PTCH1: variants seen among roughly 807,000 people sequenced by gnomAD.
The protein encoded by PTCH1 is patched 1.
In PTCH1, 14 loss-of-function variants were observed where a neutral mutation model predicts 144.6. That is an observed-to-expected ratio of 0.10 (90% CI 0.06 to 0.15). PTCH1 has a LOEUF of 0.15. Ranked by LOEUF, PTCH1 falls within the 10% of genes least tolerant of loss-of-function variation. The probability of loss-of-function intolerance (pLI) is 1.00; values close to 1 mark genes in which losing one functional copy is unlikely to be tolerated. For missense variants in PTCH1, 1,623 were observed against 1,948.3 expected (o/e 0.83, Z 3.14); for synonymous variants, 833 against 793.6 (o/e 1.05, Z -0.83).
intron 6 of PTCH1, 81 bp from the exon 7 acceptor site, chr9:95,480,171 C>T (rs1218354235): frequency 1.3e-6 from 2 of 1,597,854 alleles, no homozygotes. Flanking sequence ...GCATTAAGGG[C>T]TTGTGTGTTT....
At chr9:95,469,244 C>G in intron 13 of PTCH1, 91 bp from the exon 14 acceptor site, 1 of 1,508,440 alleles carries the variant, frequency 6.6e-7, no homozygotes, top group South Asian at 1.1e-5. Context: ...CGGAGAATAC[C>G]CATTTTACAC....
chr9:95,516,438 C>A, intron 1 of PTCH1: 1 of 1,390,090 alleles, frequency 7.2e-7, no homozygotes. Flanking sequence ...GGCGAGGTGG[C>A]GTCGGCGGCC....
Position 95,504,037 on chromosome 9 carries a change from A to C in PTCH1, c.394+2370T>G, listed in dbSNP as rs1465809064. Among the ~76,000 whole-genome samples the C allele has an allele frequency of 1.6e-4, 8 of 51,250 alleles. 2 individuals carry two copies. Among genetic ancestry groups the C allele is most frequent in the African/African-American group, 1.2e-3 (7 of 5,974 alleles). The allele number at this position is 51,250 out of a possible 152,430, so 33.6% of individuals were successfully genotyped here. On this transcript the variant is annotated intron_variant, in intron 2 of 23. Transcript: ENST00000331920. ...GACTCCGTCTCAAAAAAAAAAAAAA[A>C]AAAAAAAAAAAAAAAAAAAAAAAAA...
chr9:95,460,460 G>A (rs762248272), intron 16 of PTCH1, among the ~76,000 whole-genome samples: 2 of 152,146 alleles, frequency 1.3e-5, no homozygotes, highest in Non-Finnish European at 2.9e-5. Context: ...CTCAGTATGT[G>A]TTTGTACGTT....
intron 15 of PTCH1, among the ~76,000 whole-genome samples, chr9:95,465,373 G>T (rs1229910332): frequency 1.3e-5 from 2 of 152,162 alleles, no homozygotes. Flanking sequence ...TCAATGGGGG[G>T]AAAATGAAAG....
Position 95,456,318 on chromosome 9 carries a change from A to C in PTCH1, c.3264T>G (p.Ala1088=). Residue 1088 remains alanine, a synonymous_variant, in exon 19 of 24, where the codon GCT becomes GCG. Coordinates refer to ENST00000331920, the MANE Select transcript of PTCH1 (RefSeq NM_000264.5). ...LSAVPVVILI[A]SVGIGVEFTV... Reference sequence around the variant, plus strand: ...TGAACTCCACTCCTATGCCAACAGAAGCGATCAGGATGACCACGGGCACGG... The same window carrying C: ...TGAACTCCACTCCTATGCCAACAGACGCGATCAGGATGACCACGGGCACGG... 1 of 1,614,050 alleles carries C rather than the reference A, an allele frequency of 6.2e-7. No homozygotes were observed. The highest frequency in any genetic ancestry group is 8.5e-7 in the Non-Finnish European group (1 of 1,180,028).
intron 22 of PTCH1, 33 bp from the exon 23 acceptor site, chr9:95,447,484 T>C: frequency 6.6e-7 from 1 of 1,516,298 alleles, no homozygotes; most frequent in Non-Finnish European, 8.8e-7. Context: ...AGAAGGGTGG[T>C]ATCCCAGGCT....
At chr9:95,506,647 C>G in intron 1 of PTCH1, 48 bp from the exon 2 acceptor site, 2 of 1,392,156 alleles carry the variant, frequency 1.4e-6, no homozygotes, top group Non-Finnish European at 2.0e-6. Context: ...AGTCGCGGCC[C>G]GCGCGCCCAC....
intron 15 of PTCH1, 50 bp from the exon 16 acceptor site, chr9:95,462,048 C>A (rs1243194620): frequency 6.2e-7 from 1 of 1,612,332 alleles, no homozygotes; most frequent in Non-Finnish European, 8.5e-7. Flanking sequence ...GCCAGAAGGA[C>A]CCTGGTCCTA....
At chr9:95,481,740 T>C (rs979853323) in intron 5 of PTCH1, 10 of 594,088 alleles carry the variant, frequency 1.7e-5, no homozygotes, top group African/African-American at 3.7e-5. Flanking sequence ...TGAAATTTAA[T>C]GACGCCTACA....
At position 95,514,397 on chromosome 9, in the gene PTCH1, GCT is replaced by G. The variant is rs2118947663; in HGVS notation, c.3+2070_3+2071del. ...CACACCATTCATTTCAGTGATCTCTGCTATTGGGTCCTGCATGAAAAAGAAGC... is the reference window on the plus strand; with the variant it reads ...CACACCATTCATTTCAGTGATCTCTGATTGGGTCCTGCATGAAAAAGAAGC... On this transcript the variant is annotated intron_variant, in intron 1 of 22. Coordinates refer to the PTCH1 transcript ENST00000430669. The G allele has an allele frequency of 1.3e-5, 2 of 152,272 alleles. 1 individual carries two copies. Among genetic ancestry groups the G allele is most frequent in the South Asian group, 4.1e-4 (2 of 4,820 alleles). 9.4% of individuals were successfully genotyped at this position (152,272 alleles called of 1,614,324 possible).
At chr9:95,494,115 G>T in intron 2 of PTCH1, 1 of 762,690 alleles carries the variant, frequency 1.3e-6, no homozygotes, top group Non-Finnish European at 1.6e-6. Flanking sequence ...CAGGCTGGGC[G>T]CAGGTAGTGC....
intron 17 of PTCH1, among the ~76,000 whole-genome samples, chr9:95,459,023 C>G (rs1839218745): frequency 6.6e-6 from 1 of 152,128 alleles, no homozygotes. Flanking sequence ...GCCCGGTATC[C>G]AAAGCATACG....
chr9:95,502,814 C>A (rs1843246853), intron 2 of PTCH1, among the ~76,000 whole-genome samples: 1 of 152,162 alleles, frequency 6.6e-6, no homozygotes. Context: ...ATAAAGCCAA[C>A]TCTTTATAAA....
At chr9:95,453,772 C>A in intron 19 of PTCH1, 152 bp from the exon 20 acceptor site, 1 of 1,038,332 alleles carries the variant, frequency 9.6e-7, no homozygotes, top group Admixed American at 2.0e-5. Flanking sequence ...ACTAGCAGCA[C>A]CTAGACTTAA....
chr9:95,496,922 G>A (rs1419530959), intron 2 of PTCH1, among the ~76,000 whole-genome samples: 1 of 152,128 alleles, frequency 6.6e-6, no homozygotes, highest in South Asian at 2.1e-4. Context: ...GAGGAAATCA[G>A]GGAGTGGGGG....
intron 7 of PTCH1, 121 bp from the exon 8 acceptor site, chr9:95,479,268 C>A: frequency 3.2e-6 from 4 of 1,253,914 alleles, no homozygotes; most frequent in South Asian, 2.4e-5. Flanking sequence ...TCTCTGTGAG[C>A]ACATGTTTCC....
In PTCH1 at chr9:95,508,595, G is replaced by C; in HGVS notation, c.-234C>G. The C allele has an allele frequency of 1.0e-6, 1 of 996,688 alleles. No individual in the cohort carries two copies. Among genetic ancestry groups the C allele is most frequent in the Non-Finnish European group, 1.2e-6 (1 of 837,880 alleles). 61.7% of individuals were successfully genotyped at this position (996,688 alleles called of 1,614,324 possible). A position where few individuals can be genotyped will look rare whatever the true frequency, so the allele number is the denominator to read the frequency against. On this transcript the variant is annotated 5_prime_UTR_variant, in exon 1 of 24. Transcript: ENST00000331920. The stretch of plus-strand genomic sequence containing the variant: ...CCGCTGCCGGGGAGTCAGACCCTGC[G>C]CCTTCCATTGCCACATTGCGCGGGG...
At chr9:95,510,011 A>AC (rs572627686), upstream of PTCH1, among the ~76,000 whole-genome samples, 927 of 152,030 alleles carry the variant, frequency 6.1e-3, 7 homozygotes, top group Non-Finnish European at 9.8e-3. Context: ...TTAAAAAAAA[A>AC]AAAAACACAG....
Sources: allele counts gnomAD v4.1 joint callset (sites outside exome capture counted in the v4.1 genomes callset), GRCh38; gene constraint gnomAD v4.1.1; transcripts MANE v1.5; gene names NCBI Gene and HGNC (gene_info 2026-07-23, HGNC 2026-07-21).